TECPR1: variants seen among roughly 807,000 people sequenced by gnomAD.
The protein encoded by TECPR1 is tectonin beta-propeller repeat containing 1.
TECPR1 carries 122 observed loss-of-function variants against 162.4 expected under a neutral mutation model. The observed-to-expected ratio is 0.75, with a 90% CI of 0.65 to 0.87. The LOEUF (loss-of-function observed/expected upper bound fraction) is 0.87. TECPR1 is among the 40% of genes least tolerant of loss of function. The probability of loss-of-function intolerance (pLI) is 0.00; values close to 1 mark genes in which losing one functional copy is unlikely to be tolerated. For missense variants in TECPR1, 1,432 were observed against 1,618.2 expected, an observed-to-expected ratio of 0.88 and a Z score of 1.97; for synonymous variants, 642 against 670.6, an observed-to-expected ratio of 0.96 and a Z score of 0.66.
intron 5 of TECPR1, 34 bp downstream of exon 5, chr7:98,244,537 A>G: frequency 1.3e-6 from 2 of 1,584,974 alleles, no homozygotes; most frequent in Non-Finnish European, 8.6e-7. Context: ...TCCTGGCCCT[A>G]TCCTGCCCCC....
chr7:98,232,835 CGGCCTGCTCGTA>C lies in TECPR1; in HGVS notation c.1798_1809del (p.Tyr600_Ala603del). ...GCCACCGGGGCACCCACCTGCTCCA[CGGCCTGCTCGTA>C]GTGTCTGAAGTTCTCCAGCTCCCGC... On this transcript the variant is annotated inframe_deletion, in exon 12 of 26. Transcript: ENST00000447648. The surrounding 1 kb of genome is among the most constrained non-coding windows in gnomAD (Gnocchi z 4.6). 1 of 1,598,608 alleles carries C rather than the reference CGGCCTGCTCGTA, an allele frequency of 6.3e-7. No homozygotes were observed. The highest frequency in any genetic ancestry group is 8.5e-7 in the Non-Finnish European group (1 of 1,173,770).
intron 10 of TECPR1, among the ~76,000 whole-genome samples, chr7:98,235,827 C>CAAAAAAAAAAAAAAA (rs765569294): frequency 4.1e-4 from 15 of 36,650 alleles, no homozygotes; most frequent in African/African-American, 9.6e-4. Flanking sequence ...GAGACTGTCT[C>CAAAAAAAAAAAAAAA]AAAAAAAAAA....
intron 16 of TECPR1, chr7:98,228,526 G>A (rs1798337166): frequency 1.7e-5 from 4 of 239,634 alleles, no homozygotes; most frequent in Non-Finnish European, 3.4e-5. Flanking sequence ...TGAAGACAGA[G>A]GTCATTCCTG....
intron 23 of TECPR1, 102 bp from the exon 24 acceptor site, chr7:98,218,144 G>C (rs1234491797): frequency 1.5e-5 from 14 of 954,806 alleles, no homozygotes; most frequent in Non-Finnish European, 2.1e-5. Flanking sequence ...AACCACTTCG[G>C]GGTTTGGGAA....
chr7:98,220,760 G>A (rs1321231966), intron 23 of TECPR1, among the ~76,000 whole-genome samples: 3 of 152,002 alleles, frequency 2.0e-5, no homozygotes, highest in Admixed American at 6.5e-5. Context: ...GGGTTTCACT[G>A]TTAGCCAGGA....
chr7:98,229,311 A>T, intron 15 of TECPR1, 145 bp from the exon 16 acceptor site: 3 of 1,082,586 alleles, frequency 2.8e-6, no homozygotes, highest in Non-Finnish European at 3.9e-6. Flanking sequence ...ACCCTGCCTG[A>T]CCTCCGCGTT....
intron 16 of TECPR1, chr7:98,228,698 A>C: frequency 3.9e-6 from 1 of 257,362 alleles, no homozygotes; most frequent in Non-Finnish European, 7.5e-6. Flanking sequence ...TCCAGTAGGA[A>C]CAGAGGGACC....
In TECPR1 at chr7:98,224,845, C is replaced by G; in HGVS notation, c.2646G>C (p.Gly882=). 1 of 1,576,172 alleles carries G rather than the reference C, an allele frequency of 6.3e-7. No homozygotes were observed. ...SDWFVDFSVP[G]GTDQEGWQYA... ...ACTGCCACCCCTCCTGGTCCGTGCC[C>G]CCCGGAACGCTGAAATCCACGAACC... The change falls in exon 19 of 26, where the codon GGG becomes GGC. Residue 882 remains glycine, a synonymous_variant. Coordinates refer to ENST00000447648, the MANE Select transcript of TECPR1 (RefSeq NM_015395.3).
chr7:98,243,409 A>G (rs898152579), intron 6 of TECPR1, 58 bp downstream of exon 6: 2 of 1,603,308 alleles, frequency 1.2e-6, no homozygotes, highest in African/African-American at 2.7e-5. Context: ...TGCACAGGAC[A>G]GGACCCACAG....
rs1798501907 is a variant in TECPR1 at position 98,233,430 on chromosome 7, C to G, written c.1663G>C (p.Val555Leu). ...EACAMPRWFT[V>L]QAGLSSSVHM... ...CTGCAGGAGCCCTTACCCGCCTGGA[C>G]AGTGAACCATCTGGGCATGGCACAT... Residue 555 changes from valine to leucine, a missense_variant, in exon 11 of 26, where the codon GTC becomes CTC. Val to Leu is a conservative substitution (Grantham distance 32, BLOSUM62 1). Transcript: ENST00000447648. The G allele has an allele frequency of 2.7e-6, 4 of 1,457,098 alleles. No homozygotes were observed. The highest frequency in any genetic ancestry group is 3.6e-6 in the Non-Finnish European group (4 of 1,104,072). 90.3% of individuals were successfully genotyped at this position (1,457,098 alleles called of 1,614,324 possible). A position where few individuals can be genotyped will look rare whatever the true frequency, so the allele number is the denominator to read the frequency against.
At chr7:98,230,579 G>T (rs975326819) in intron 15 of TECPR1, among the ~76,000 whole-genome samples, 1 of 152,158 alleles carries the variant, frequency 6.6e-6, no homozygotes, top group Admixed American at 6.5e-5. Context: ...TGCAGCAGGG[G>T]CTCAGCTGGA....
Position 98,217,413 on chromosome 7 carries a change from C to G in TECPR1, c.3475G>C (p.Ala1159Pro), listed in dbSNP as rs1584317145. Residue 1159 changes from alanine (A) to proline (P), a missense_variant, in exon 26 of 26, where the codon GCC becomes CCC. Ala to Pro is a conservative substitution (Grantham distance 27). Transcript: ENST00000447648. ...QEQEPSAPPE[A>P]HGPVCC is the part of the protein sequence containing the mutation. ...CCTCAGCAGCAGACGGGGCCATGGG[C>G]CTCTGGTGGGGCACTCGGCTCCTGC... 1 of 1,602,164 alleles carries G rather than the reference C, an allele frequency of 6.2e-7. No individual in the cohort carries two copies. Among genetic ancestry groups the G allele is most frequent in the Non-Finnish European group, 8.5e-7 (1 of 1,174,642 alleles).
rs749363431 is a variant in TECPR1 at position 98,222,376 on chromosome 7, C to T, written c.3064+10G>A. ...GAACACTGCAGGGGCTCCTGGGGCG[C>T]GGCACTCACCGGCTGGCTGCGAGGG... On this transcript the variant is annotated intron_variant, in intron 22 of 25. Transcript: ENST00000447648. 2.2e-5 allele frequency: 36 copies of T among 1,604,192 alleles called. No homozygotes were observed. In the East Asian group the frequency reaches 2.2e-4, roughly 10 times the overall value.
In TECPR1 at chr7:98,233,450, G is replaced by T; in HGVS notation, c.1643C>A (p.Ala548Asp). The change falls in exon 11 of 26, where the codon GCC becomes GAC. Residue 548 changes from alanine to aspartate, a missense_variant. Coordinates refer to ENST00000447648, the MANE Select transcript of TECPR1 (RefSeq NM_015395.3). ...CTGGACAGTGAACCATCTGGGCATG[G>T]CACATGCCTCCACCACGCAGCCGCC... is the stretch of plus-strand genomic sequence containing the variant. ...SGGGCVVEAC[A>D]MPRWFTVQAG... is the part of the protein sequence containing the mutation. 6.8e-7 allele frequency: 1 copy of T among 1,471,210 alleles called. No individual in the cohort carries two copies. The highest frequency in any genetic ancestry group is 9.0e-7 in the Non-Finnish European group (1 of 1,112,240). The allele number at this position is 1,471,210 out of a possible 1,614,324, so 91.1% of individuals were successfully genotyped here.
intron 23 of TECPR1, 48 bp from the exon 24 acceptor site, chr7:98,218,090 C>G (rs765466798): frequency 6.8e-7 from 1 of 1,476,880 alleles, no homozygotes; most frequent in South Asian, 1.2e-5. Flanking sequence ...TTCCCGGCCC[C>G]TCCTGCCCGT....
rs771733230 is a variant in TECPR1 at position 98,232,695 on chromosome 7, C to T, written c.1818+132G>A. 1.3e-4 allele frequency: 153 copies of T among 1,209,848 alleles called. No homozygotes were observed. The highest frequency in any genetic ancestry group is 1.6e-4 in the Non-Finnish European group (146 of 897,498). 74.9% of individuals were successfully genotyped at this position (1,209,848 alleles called of 1,614,324 possible). On this transcript the variant is annotated intron_variant, in intron 12 of 25. Coordinates refer to ENST00000447648, the MANE Select transcript of TECPR1 (RefSeq NM_015395.3). This position sits in a 1 kb window ranked among gnomAD's most constrained non-coding sequence, Gnocchi z 4.6. ...GAAACCCTGAGCTCATTTCTCTATG[C>T]CTGCATCTGGGCGGGAGACCAGGGG...
chr7:98,222,709 G>T, intron 21 of TECPR1, 188 bp from the exon 22 acceptor site: 4 of 859,742 alleles, frequency 4.7e-6, no homozygotes, highest in Non-Finnish European at 7.0e-6. Context: ...TCATCCTCCT[G>T]CGAGCAGGGA....
At chr7:98,240,458 T>C (rs1300746642) in intron 8 of TECPR1, among the ~76,000 whole-genome samples, 1 of 152,092 alleles carries the variant, frequency 6.6e-6, no homozygotes, top group Non-Finnish European at 1.5e-5. Context: ...TCTTTCTCGT[T>C]GCCCAGGCTG....
intron 13 of TECPR1, 52 bp from the exon 14 acceptor site, chr7:98,231,425 C>T: frequency 6.5e-7 from 1 of 1,539,226 alleles, no homozygotes; most frequent in Non-Finnish European, 8.8e-7. Context: ...CAGGAGGCCT[C>T]TGGAGGGTGA....
Sources: allele counts gnomAD v4.1 joint callset (sites outside exome capture counted in the v4.1 genomes callset), GRCh38; gene constraint gnomAD v4.1.1; non-coding constraint Gnocchi (gnomAD v3.1); transcripts MANE v1.5; gene names NCBI Gene and HGNC (gene_info 2026-07-23, HGNC 2026-07-21).